The following ADAMTS18 variants were observed in gnomAD, a reference collection of about 807,000 sequenced individuals.
The protein encoded by ADAMTS18 is ADAM metallopeptidase with thrombospondin type 1 motif 18.
A neutral mutation model predicts 165.9 loss-of-function variants in ADAMTS18; 157 were observed. The observed-to-expected ratio is 0.95, with a 90% CI of 0.83 to 1.08. The LOEUF (loss-of-function observed/expected upper bound fraction) is 1.08, where lower values mean the gene tolerates loss of function less well. Ranked by LOEUF, ADAMTS18 falls within the 50% of genes least tolerant of loss-of-function variation. The pLI is 0.00. For missense variants in ADAMTS18, 2,040 were observed against 1,534.0 expected (o/e 1.33, Z -5.51); for synonymous variants, 782 against 578.2 (o/e 1.35, Z -5.06).
At chr16:77,382,833 T>C (rs906493899) in intron 3 of ADAMTS18, among the ~76,000 whole-genome samples, 3 of 152,160 alleles carry the variant, frequency 2.0e-5, no homozygotes, top group African/African-American at 7.2e-5. Flanking sequence ...CCCTGGATCA[T>C]TCCAGGCTTT....
intron 3 of ADAMTS18, among the ~76,000 whole-genome samples, chr16:77,376,059 A>C (rs2056947530): frequency 6.6e-6 from 1 of 151,292 alleles, no homozygotes; most frequent in African/African-American, 2.4e-5. Context: ...ATGGGCCACC[A>C]CGCCCGGCTA....
At chr16:77,347,566 G>A (rs936647431) in intron 10 of ADAMTS18, among the ~76,000 whole-genome samples, 9 of 151,846 alleles carry the variant, frequency 5.9e-5, no homozygotes, top group African/African-American at 2.2e-4. Flanking sequence ...TTGATATTGA[G>A]TACCATTTCA....
intron 11 of ADAMTS18, among the ~76,000 whole-genome samples, chr16:77,337,908 CT>C (rs10679600): frequency 1.4e-3 from 200 of 140,738 alleles, no homozygotes; most frequent in Non-Finnish European, 1.7e-3. Flanking sequence ...CTTTTCTTTT[CT>C]TTTTTTTTTT....
chr16:77,362,911 G>C (rs2056736489), intron 6 of ADAMTS18, among the ~76,000 whole-genome samples: 2 of 152,152 alleles, frequency 1.3e-5, no homozygotes, highest in Admixed American at 1.3e-4. Flanking sequence ...GTAGGCTAAA[G>C]ACAAAAGTGT....
At chr16:77,402,131 T>A (rs2057339711) in intron 3 of ADAMTS18, among the ~76,000 whole-genome samples, 1 of 149,186 alleles carries the variant, frequency 6.7e-6, no homozygotes, top group African/African-American at 2.6e-5. Flanking sequence ...GTCCTATGGG[T>A]TCTGTTTTTC....
intron 3 of ADAMTS18, among the ~76,000 whole-genome samples, chr16:77,382,222 T>A (rs8050785): frequency 0.35 from 53,024 of 150,784 alleles, 9,759 homozygotes; most frequent in East Asian, 0.62. Flanking sequence ...TTTGTTTGTT[T>A]GTTTTTTTGA....
chr16:77,296,290 G>T (rs1255084627), intron 18 of ADAMTS18, among the ~76,000 whole-genome samples: 1 of 152,116 alleles, frequency 6.6e-6, no homozygotes, highest in Non-Finnish European at 1.5e-5. Flanking sequence ...CAAACTCACT[G>T]AGCCCCTCCA....
chr16:77,286,742 TAACTTA>T (rs979892404), intron 22 of ADAMTS18, among the ~76,000 whole-genome samples: 6 of 152,144 alleles, frequency 3.9e-5, no homozygotes, highest in African/African-American at 1.4e-4. Flanking sequence ...TGCTCATCCT[TAACTTA>T]ATATGACTAG....
intron 3 of ADAMTS18, among the ~76,000 whole-genome samples, chr16:77,372,111 T>A (rs181143435): frequency 3.3e-5 from 5 of 152,232 alleles, no homozygotes; most frequent in East Asian, 1.9e-4. Flanking sequence ...ATTATCACAA[T>A]GACAATAAAT....
intron 3 of ADAMTS18, among the ~76,000 whole-genome samples, chr16:77,377,782 T>G (rs1435183505): frequency 6.6e-6 from 1 of 152,202 alleles, no homozygotes; most frequent in Non-Finnish European, 1.5e-5. Context: ...TTTTTAAATC[T>G]AAGCAAGAAC....
intron 10 of ADAMTS18, among the ~76,000 whole-genome samples, chr16:77,347,697 G>A (rs965136802): frequency 6.6e-6 from 1 of 152,002 alleles, no homozygotes; most frequent in Non-Finnish European, 1.5e-5. Context: ...CTCCTTCTGT[G>A]ATATATTAAT....
intron 4 of ADAMTS18, among the ~76,000 whole-genome samples, chr16:77,365,971 A>G (rs1597177756): frequency 6.6e-6 from 1 of 152,222 alleles, no homozygotes; most frequent in East Asian, 1.9e-4. Context: ...ATGTCTTACC[A>G]CTATAAACAT....
intron 1 of ADAMTS18, 23 bp from the exon 2 acceptor site, chr16:77,434,528 G>C (rs1410770228): frequency 5.2e-6 from 8 of 1,542,900 alleles, no homozygotes; most frequent in African/African-American, 4.1e-5. Context: ...AGGTGACATC[G>C]CGCGTGAGGG....
rs777968512 is a variant in ADAMTS18 at position 77,434,398 on chromosome 16, G to C, written c.178+20C>G. 1 of 1,561,158 alleles carries C rather than the reference G, an allele frequency of 6.4e-7. No individual in the cohort carries two copies. The highest frequency in any genetic ancestry group is 1.8e-5 in the Admixed American group (1 of 54,474). On this transcript the variant is annotated intron_variant, in intron 2 of 22. Coordinates refer to ENST00000282849, the MANE Select transcript of ADAMTS18 (RefSeq NM_199355.4). ...AGTGCTGCGAAAGGCCCTTCTTGGGGATGGGGGGCAAATACGAACCATCAT... is the reference window on the plus strand; with the variant it reads ...AGTGCTGCGAAAGGCCCTTCTTGGGCATGGGGGGCAAATACGAACCATCAT...
chr16:77,331,286 A>G (rs113903747), intron 12 of ADAMTS18, among the ~76,000 whole-genome samples: 3 of 152,258 alleles, frequency 2.0e-5, no homozygotes, highest in African/African-American at 7.2e-5. Flanking sequence ...GAATTAGGTA[A>G]TCTATGTCTT....
chr16:77,409,780 C>T (rs1438172325), intron 3 of ADAMTS18, among the ~76,000 whole-genome samples: 1 of 151,790 alleles, frequency 6.6e-6, no homozygotes, highest in Non-Finnish European at 1.5e-5. Context: ...CATTTTGGTT[C>T]AAATGCTTAA....
intron 20 of ADAMTS18, 120 bp downstream of exon 20, chr16:77,292,956 A>T (rs1255877131): frequency 1.6e-6 from 2 of 1,244,426 alleles, no homozygotes; most frequent in Non-Finnish European, 2.3e-6. Context: ...AGTAGATCAG[A>T]CTACAGGCGC....
intron 12 of ADAMTS18, among the ~76,000 whole-genome samples, chr16:77,328,507 G>T (rs947720754): frequency 1.3e-5 from 2 of 152,074 alleles, no homozygotes; most frequent in African/African-American, 4.8e-5. Flanking sequence ...AATGTCACGC[G>T]GCCAGAATGA....
chr16:77,294,785 G>T, intron 19 of ADAMTS18, 138 bp downstream of exon 19: 2 of 837,256 alleles, frequency 2.4e-6, no homozygotes, highest in Non-Finnish European at 3.8e-6. Context: ...TAGTTAAAAT[G>T]CAGATTCCCA....
Sources: allele counts gnomAD v4.1 joint callset (sites outside exome capture counted in the v4.1 genomes callset), GRCh38; gene constraint gnomAD v4.1.1; transcripts MANE v1.5; gene names NCBI Gene and HGNC (gene_info 2026-07-23, HGNC 2026-07-21).